ANKS6: variants seen among roughly 807,000 people sequenced by gnomAD.
ANKS6 encodes ankyrin repeat and SAM domain-containing protein 6.
ANKS6 carries 47 observed loss-of-function variants against 77.9 expected under a neutral mutation model. The observed-to-expected ratio is 0.60, with a 90% confidence interval of 0.48 to 0.77. The LOEUF (loss-of-function observed/expected upper bound fraction) is 0.77. Among genes scored for constraint, ANKS6 ranks in the 30% least tolerant of loss-of-function variants. ANKS6 has a pLI of 0.00. For synonymous variants in ANKS6, 488 were observed against 501.7 expected (o/e 0.97, Z 0.37); for missense variants, 1,150 against 1,159.1 (o/e 0.99, Z 0.11).
At position 98,732,928 on chromosome 9, in the gene ANKS6, C is replaced by T; in HGVS notation, c.*3591G>A. 1.9e-6 allele frequency: 2 copies of T among 1,058,948 alleles called. No individual in the cohort carries two copies. The highest frequency in any genetic ancestry group is 2.3e-6 in the Non-Finnish European group (2 of 875,252). 65.6% of individuals were successfully genotyped at this position (1,058,948 alleles called of 1,614,324 possible). On this transcript the variant is annotated 3_prime_UTR_variant, in exon 15 of 15. Transcript: ENST00000353234. ...CTTTGCACATGCCCCAGCTGGAATG[C>T]CCTTTTTCTTTTCTGCCTAAACCTG... is the stretch of plus-strand genomic sequence containing the variant.
At chr9:98,760,172 G>C (rs1034020571) in intron 11 of ANKS6, among the ~76,000 whole-genome samples, 2 of 152,090 alleles carry the variant, frequency 1.3e-5, no homozygotes, top group African/African-American at 4.8e-5. Context: ...ACGGAGGAAG[G>C]GGCAAGGAGC....
At chr9:98,789,609 G>A (rs1284459013) in intron 2 of ANKS6, among the ~76,000 whole-genome samples, 1 of 152,102 alleles carries the variant, frequency 6.6e-6, no homozygotes, top group African/African-American at 2.4e-5. Context: ...GCTTGTTTTT[G>A]TAGTTATAAT....
At chr9:98,741,009 C>T (rs985387322) in intron 14 of ANKS6, among the ~76,000 whole-genome samples, 1 of 152,176 alleles carries the variant, frequency 6.6e-6, no homozygotes, top group Non-Finnish European at 1.5e-5. Context: ...GAAAGTTATT[C>T]AGATGTACAT....
At chr9:98,789,528 G>A (rs1834771435) in intron 2 of ANKS6, among the ~76,000 whole-genome samples, 1 of 151,826 alleles carries the variant, frequency 6.6e-6, no homozygotes, top group Non-Finnish European at 1.5e-5. Flanking sequence ...GATCAGGGCA[G>A]AGGAGGTCAG....
chr9:98,795,348 A>C (rs905255977), intron 1 of ANKS6, among the ~76,000 whole-genome samples: 3 of 151,802 alleles, frequency 2.0e-5, no homozygotes, highest in Non-Finnish European at 2.9e-5. Flanking sequence ...TCATCCTGTC[A>C]CTCATTCTGC....
At chr9:98,785,883 T>G (rs993438439) in intron 2 of ANKS6, among the ~76,000 whole-genome samples, 1 of 152,176 alleles carries the variant, frequency 6.6e-6, no homozygotes, top group African/African-American at 2.4e-5. Flanking sequence ...AATGTGGGGA[T>G]AGCATCCCTC....
At chr9:98,780,412 CTG>C in intron 5 of ANKS6, 75 bp from the exon 6 acceptor site, 1 of 1,466,858 alleles carries the variant, frequency 6.8e-7, no homozygotes, top group South Asian at 1.4e-5. Context: ...AAGATGACCC[CTG>C]TTAGACTTAG....
chr9:98,770,774 G>A (rs1833575533), intron 10 of ANKS6, 122 bp downstream of exon 10: 1 of 1,058,090 alleles, frequency 9.5e-7, no homozygotes, highest in Non-Finnish European at 1.2e-6. Context: ...CCACATTAAG[G>A]AGAAAGTGCC....
chr9:98,755,097 T>A (rs987100370), intron 12 of ANKS6, among the ~76,000 whole-genome samples: 1 of 152,066 alleles, frequency 6.6e-6, no homozygotes, highest in African/African-American at 2.4e-5. Flanking sequence ...ACACTGGATA[T>A]CACAAAACAA....
At chr9:98,774,147 C>G in intron 8 of ANKS6, 67 bp from the exon 9 acceptor site, 1 of 1,305,298 alleles carries the variant, frequency 7.7e-7, no homozygotes, top group Non-Finnish European at 9.9e-7. Context: ...GGAAAGACTC[C>G]ATGTTTTTCC....
chr9:98,788,657 C>G (rs1401683527), intron 2 of ANKS6, among the ~76,000 whole-genome samples: 2 of 152,236 alleles, frequency 1.3e-5, no homozygotes, highest in African/African-American at 4.8e-5. Context: ...ACCACCACCC[C>G]GTAGTAGTTG....
chr9:98,735,436 G>A lies in ANKS6; in HGVS notation c.*1083C>T, dbSNP rs1029847881. ...GAAAGCCAGTGGGTTTTAAAAGTCAGGGCCCCTCTAATTTAATAAAATATG... is the reference window on the plus strand; with the variant it reads ...GAAAGCCAGTGGGTTTTAAAAGTCAAGGCCCCTCTAATTTAATAAAATATG... On this transcript the variant is annotated 3_prime_UTR_variant, in exon 15 of 15. Coordinates refer to ENST00000353234, the MANE Select transcript of ANKS6 (RefSeq NM_173551.5). The A allele has an allele frequency of 2.5e-6, 3 of 1,189,028 alleles. No individual in the cohort carries two copies. Among genetic ancestry groups the A allele is most frequent in the Admixed American group, 4.5e-5 (1 of 22,348 alleles). 73.7% of individuals were successfully genotyped at this position (1,189,028 alleles called of 1,614,324 possible).
chr9:98,743,214 TGGCCTCTG>T (rs1386205575), intron 14 of ANKS6, among the ~76,000 whole-genome samples: 1 of 152,204 alleles, frequency 6.6e-6, no homozygotes, highest in African/African-American at 2.4e-5. Context: ...CTCACACATC[TGGCCTCTG>T]GAGGCGAAGA....
intron 14 of ANKS6, among the ~76,000 whole-genome samples, chr9:98,742,666 G>A (rs1030122464): frequency 2.0e-5 from 3 of 152,114 alleles, no homozygotes; most frequent in Admixed American, 6.5e-5. Context: ...GCCTGTTGGG[G>A]GGACACAGGT....
At position 98,778,535 on chromosome 9, in the gene ANKS6, C is replaced by A. The variant is rs1218380934; in HGVS notation, c.1369-111G>T. 6 of 976,300 alleles carry A rather than the reference C, an allele frequency of 6.1e-6. No individual in the cohort carries two copies. The Admixed American group carries it at 1.1e-4, about 19-fold the overall frequency. The allele number at this position is 976,300 out of a possible 1,614,324, so 60.5% of individuals were successfully genotyped here. A position where few individuals can be genotyped will look rare whatever the true frequency, so the allele number is the denominator to read the frequency against. On this transcript the variant is annotated intron_variant, in intron 6 of 14. Transcript: ENST00000353234. ...TACATTCACATGTGCCTGCCCTCCC[C>A]TCTCCTGGGGCCCAGACAGACATTA...
intron 14 of ANKS6, among the ~76,000 whole-genome samples, chr9:98,745,354 G>C (rs1411015790): frequency 6.6e-6 from 1 of 152,218 alleles, no homozygotes; most frequent in Non-Finnish European, 1.5e-5. Context: ...CTAGCCCTGT[G>C]CATTGGTTAC....
At position 98,790,469 on chromosome 9, in the gene ANKS6, G is replaced by A; in HGVS notation, c.497C>T (p.Ala166Val). ...GTGGTGATGGTCCACAAAGGCACCG[G>A]CTTCCAGGAGCAGCTTCACCACACC... ...HLGVVKLLLEAGAFVDHHHPS... is the reference protein window; with the variant it reads ...HLGVVKLLLEVGAFVDHHHPS... Residue 166 changes from alanine to valine, a missense_variant, in exon 2 of 15, where the codon GCC becomes GTC. Ala to Val is a moderately conservative substitution (Grantham distance 64). Transcript: ENST00000353234. The A allele has an allele frequency of 6.2e-7, 1 of 1,613,678 alleles. No individual in the cohort carries two copies. Among genetic ancestry groups the A allele is most frequent in the Non-Finnish European group, 8.5e-7 (1 of 1,179,990 alleles).
intron 14 of ANKS6, among the ~76,000 whole-genome samples, chr9:98,739,992 T>C (rs1057490828): frequency 6.6e-6 from 1 of 152,036 alleles, no homozygotes; most frequent in Non-Finnish European, 1.5e-5. Context: ...CCTGACCTCG[T>C]GATCCGCCCG....
rs755469459 is a variant in ANKS6 at position 98,790,409 on chromosome 9, C to T, written c.557G>A (p.Arg186Lys). Residue 186 changes from arginine (R) to lysine (K), a missense_variant, in exon 2 of 15, where the codon AGG becomes AAG. Coordinates refer to ENST00000353234, the MANE Select transcript of ANKS6 (RefSeq NM_173551.5). ...GGCTGTGATGTCCAAGGGCTCATCC[C>T]TGCTGCCGCCCAACCCCAGTTGCTC... ...SGEQLGLGGS[R>K]DEPLDITALM... 1.7e-5 allele frequency: 27 copies of T among 1,613,688 alleles called. No individual in the cohort carries two copies. The South Asian group carries it at 2.9e-4, about 17-fold the overall frequency.
Sources: allele counts gnomAD v4.1 joint callset (sites outside exome capture counted in the v4.1 genomes callset), GRCh38; gene constraint gnomAD v4.1.1; transcripts MANE v1.5; gene names NCBI Gene and HGNC (gene_info 2026-07-23, HGNC 2026-07-21).